Variants in CFAP299 observed in about 807,000 individuals in gnomAD.
The protein encoded by CFAP299 is cilia and flagella associated protein 299, also known as cilia- and flagella-associated protein 299.
Under a neutral mutation model 27.0 loss-of-function variants are expected in CFAP299, and 21 were observed. The observed-to-expected ratio is 0.78, with a 90% confidence interval of 0.55 to 1.12. The LOEUF (loss-of-function observed/expected upper bound fraction) is 1.12, where lower values mean the gene tolerates loss of function less well. Ranked by LOEUF, CFAP299 falls within the 50% of genes most tolerant of loss-of-function variation. The pLI is 0.00. For missense variants in CFAP299, 310 were observed against 276.6 expected (o/e 1.12, Z -0.86); for synonymous variants, 104 against 98.1 (o/e 1.06, Z -0.36).
intron 3 of CFAP299, among the ~76,000 whole-genome samples, chr4:80,739,469 G>T (rs1476334969): frequency 1.3e-5 from 2 of 151,794 alleles, no homozygotes; most frequent in Non-Finnish European, 2.9e-5. Flanking sequence ...GTTTTTGTTT[G>T]TTTGTTTGTT....
At chr4:80,903,172 C>T (rs1480939685) in intron 4 of CFAP299, among the ~76,000 whole-genome samples, 1 of 151,982 alleles carries the variant, frequency 6.6e-6, no homozygotes, top group Non-Finnish European at 1.5e-5. Flanking sequence ...ATTTTGATGA[C>T]TGTTGCTGCA....
chr4:80,432,624 C>T (rs561888860), intron 2 of CFAP299, among the ~76,000 whole-genome samples: 1 of 150,084 alleles, frequency 6.7e-6, no homozygotes, highest in East Asian at 2.0e-4. Flanking sequence ...GCTCCGCCTC[C>T]CAGGTTAACA....
intron 2 of CFAP299, among the ~76,000 whole-genome samples, chr4:80,454,520 CCAGCA>C (rs1307486264): frequency 6.6e-6 from 1 of 152,178 alleles, no homozygotes; most frequent in Non-Finnish European, 1.5e-5. Flanking sequence ...AAAAATCCCA[CCAGCA>C]CTCGGGCACA....
At chr4:80,846,851 C>A (rs1731211082) in intron 3 of CFAP299, among the ~76,000 whole-genome samples, 1 of 152,126 alleles carries the variant, frequency 6.6e-6, no homozygotes. Context: ...CAGCACACTG[C>A]AAAGTGCTGA....
the CFAP299 span, among the ~76,000 whole-genome samples, chr4:80,328,225 A>G: frequency 6.2e-3 from 939 of 152,292 alleles, 2 homozygotes; most frequent in Middle Eastern, 0.02. Flanking sequence ...AATGACAATA[A>G]TTGAAACAAA....
chr4:80,887,494 G>A (rs1734030106), intron 4 of CFAP299, among the ~76,000 whole-genome samples: 1 of 152,030 alleles, frequency 6.6e-6, no homozygotes, highest in African/African-American at 2.4e-5. Context: ...TATCCTTCAA[G>A]CATGAAGGAG....
At chr4:80,470,569 C>G (rs1282543291) in intron 2 of CFAP299, among the ~76,000 whole-genome samples, 2 of 152,142 alleles carry the variant, frequency 1.3e-5, no homozygotes, top group Admixed American at 1.3e-4. Context: ...ATGGTCCACA[C>G]TTGTTTTTAT....
intron 4 of CFAP299, among the ~76,000 whole-genome samples, chr4:80,896,214 C>G (rs1487737015): frequency 1.3e-5 from 2 of 151,976 alleles, no homozygotes; most frequent in Non-Finnish European, 2.9e-5. Context: ...GAATTTGAAT[C>G]ACCTAATATA....
chr4:80,769,458 G>A (rs967880145), intron 3 of CFAP299, among the ~76,000 whole-genome samples: 2 of 151,962 alleles, frequency 1.3e-5, no homozygotes, highest in African/African-American at 4.8e-5. Context: ...GTGGTGGTGT[G>A]ATCTCGACTC....
chr4:80,860,646 G>A lies in CFAP299; in HGVS notation c.334-9347G>A, dbSNP rs554444901. On this transcript the variant is annotated intron_variant, in intron 3 of 5. Transcript: ENST00000358105. Reference sequence around the variant, plus strand: ...CTAACAGACAGAACCTTCAGCTGCAGGTCTGTTGGAGTTTGCTAGAGGTCC... The same window carrying A: ...CTAACAGACAGAACCTTCAGCTGCAAGTCTGTTGGAGTTTGCTAGAGGTCC... Among the ~76,000 whole-genome samples, 84 of 152,342 alleles carry A rather than the reference G, an allele frequency of 5.5e-4. 1 individual carries two copies. The highest frequency in any genetic ancestry group is 3.4e-3 in the Middle Eastern group (1 of 294).
At chr4:80,369,101 C>T (rs1217439563) in intron 2 of CFAP299, among the ~76,000 whole-genome samples, 2 of 152,212 alleles carry the variant, frequency 1.3e-5, no homozygotes, top group African/African-American at 4.8e-5. Context: ...GCCTTAGTAT[C>T]TCCACTGTAC....
rs533197962 is a variant in CFAP299 at position 80,715,369 on chromosome 4, C to T, written c.333+132186C>T. 7.9e-5 allele frequency among the ~76,000 whole-genome samples: 12 copies of T among 152,124 alleles called. 1 individual carries two copies. The highest frequency in any genetic ancestry group is 6.6e-4 in the Admixed American group (10 of 15,262). On this transcript the variant is annotated intron_variant, in intron 3 of 5. Transcript: ENST00000358105. The stretch of plus-strand genomic sequence containing the variant: ...GCTTACCTCAGATATGTTGATTTCC[C>T]TATAAATTCTGGCAATGCTTAGGTC...
rs950439516 is a variant in CFAP299 at position 80,695,830 on chromosome 4, A to AT, written c.333+112654dup. On this transcript the variant is annotated intron_variant, in intron 3 of 5. Transcript: ENST00000358105. ...ACCAAGACACCAGGATAACTTTTGT[A>AT]TTTTTTTAATAGAGATAAGATTTCA... Among the ~76,000 whole-genome samples, 25 of 151,730 alleles carry AT rather than the reference A, an allele frequency of 1.6e-4. 1 individual carries two copies. Among genetic ancestry groups the AT allele is most frequent in the Admixed American group, 1.4e-3 (22 of 15,232 alleles).
In CFAP299 at chr4:80,447,141, T is replaced by G. The variant is rs1263353411; in HGVS notation, c.242+84257T>G. ...TTTGTTTTTTTTTTGTTTTTTTTTT[T>G]TTTTTTTTTTTTGAGACGGAGTCTC... is the stretch of plus-strand genomic sequence containing the variant. On this transcript the variant is annotated intron_variant, in intron 2 of 5. Coordinates refer to ENST00000358105, the MANE Select transcript of CFAP299 (RefSeq NM_152770.3). Among the ~76,000 whole-genome samples, 423 of 126,438 alleles carry G rather than the reference T, an allele frequency of 3.3e-3. 5 individuals carry two copies. The highest frequency in any genetic ancestry group is 0.013 in the African/African-American group (397 of 30,440). 82.9% of individuals were successfully genotyped at this position (126,438 alleles called of 152,430 possible). A position where few individuals can be genotyped will look rare whatever the true frequency, so the allele number is the denominator to read the frequency against.
chr4:80,342,023 C>A (rs577994819), intron 1 of CFAP299, among the ~76,000 whole-genome samples: 1 of 152,296 alleles, frequency 6.6e-6, no homozygotes, highest in South Asian at 2.1e-4. Context: ...ACAATGTAAT[C>A]ACAAGTATCA....
At chr4:80,860,418 AT>A (rs1732248959) in intron 3 of CFAP299, among the ~76,000 whole-genome samples, 1 of 152,202 alleles carries the variant, frequency 6.6e-6, no homozygotes, top group Non-Finnish European at 1.5e-5. Context: ...CGTCAAAGTC[AT>A]TCTCTGTCCA....
intron 5 of CFAP299, 143 bp downstream of exon 5, chr4:80,945,082 A>G: frequency 2.7e-6 from 2 of 745,474 alleles, no homozygotes; most frequent in East Asian, 2.6e-5. Context: ...TAGAGCATGT[A>G]CTACCTTTTA....
intron 4 of CFAP299, among the ~76,000 whole-genome samples, chr4:80,885,298 A>G (rs77206437): frequency 0.049 from 7,535 of 152,236 alleles, 278 homozygotes; most frequent in East Asian, 0.15. Flanking sequence ...GGACACAAGG[A>G]CTGCAATCAA....
chr4:80,945,527 A>C (rs536942195), intron 5 of CFAP299, among the ~76,000 whole-genome samples: 5 of 152,262 alleles, frequency 3.3e-5, no homozygotes, highest in Non-Finnish European at 5.9e-5. Context: ...ACTTTTTATT[A>C]TGATTTGTCC....
Sources: allele counts gnomAD v4.1 joint callset (sites outside exome capture counted in the v4.1 genomes callset), GRCh38; gene constraint gnomAD v4.1.1; transcripts MANE v1.5; gene names NCBI Gene and HGNC (gene_info 2026-07-23, HGNC 2026-07-21).